Variants in NOX4 observed in about 807,000 individuals in gnomAD.
NOX4 encodes the protein kidney oxidase-1.
Under a neutral mutation model 87.6 loss-of-function variants are expected in NOX4, and 69 were observed. The ratio of observed to expected loss-of-function variants is 0.79; its 90% confidence interval spans 0.65 to 0.96. NOX4 has a LOEUF of 0.96. NOX4 is among the 40% of genes least tolerant of loss of function. The pLI is 0.00. For synonymous variants in NOX4, 275 were observed against 238.2 expected (o/e 1.15, Z -1.42); for missense variants, 680 against 681.5 (o/e 1.00, Z 0.02).
chr11:89,508,204 T>C, the NOX4 span, among the ~76,000 whole-genome samples: 4 of 152,078 alleles, frequency 2.6e-5, no homozygotes, highest in South Asian at 8.3e-4. Flanking sequence ...CATACTTGCA[T>C]TAGGTAGAAA....
the NOX4 span, among the ~76,000 whole-genome samples, chr11:89,575,941 G>A: frequency 1.3e-5 from 2 of 152,192 alleles, no homozygotes; most frequent in African/African-American, 2.4e-5. Context: ...GAAAAGTGAT[G>A]TTTAATGTGT....
the NOX4 span, among the ~76,000 whole-genome samples, chr11:89,507,585 A>G: frequency 5.9e-5 from 9 of 151,896 alleles, no homozygotes; most frequent in East Asian, 1.2e-3. Context: ...TATATAAATG[A>G]CTTTTTGCTA....
chr11:89,394,044 C>A (rs1299494586), intron 11 of NOX4, among the ~76,000 whole-genome samples: 1 of 152,124 alleles, frequency 6.6e-6, no homozygotes, highest in Non-Finnish European at 1.5e-5. Context: ...ATAATCACAT[C>A]TTAAGAAGCA....
At chr11:89,365,753 CAAAAA>C (rs1213376592) in intron 12 of NOX4, among the ~76,000 whole-genome samples, 3 of 56,658 alleles carry the variant, frequency 5.3e-5, no homozygotes, top group Non-Finnish European at 9.7e-5. Context: ...ACCACGCCCA[CAAAAA>C]AAAAAAAAAA....
chr11:89,509,329 CA>C, the NOX4 span, among the ~76,000 whole-genome samples: 1 of 152,032 alleles, frequency 6.6e-6, no homozygotes, highest in Non-Finnish European at 1.5e-5. Context: ...TTCATTGGAA[CA>C]AAAGGGCAAT....
the NOX4 span, among the ~76,000 whole-genome samples, chr11:89,512,934 A>G: frequency 1.3e-5 from 2 of 152,148 alleles, no homozygotes; most frequent in East Asian, 3.9e-4. Context: ...CAGAGTTCTG[A>G]GAACATACTC....
intron 17 of NOX4, among the ~76,000 whole-genome samples, chr11:89,332,071 G>C (rs1014114293): frequency 1.3e-5 from 2 of 151,656 alleles, no homozygotes; most frequent in African/African-American, 4.8e-5. Context: ...ATGTGGTTTG[G>C]GGGTAGACAT....
At chr11:89,474,300 AAATTT>A (rs1397016950) in intron 2 of NOX4, among the ~76,000 whole-genome samples, 2 of 152,100 alleles carry the variant, frequency 1.3e-5, no homozygotes, top group African/African-American at 4.8e-5. Flanking sequence ...AATGCAATTC[AAATTT>A]AATCTTTTTT....
the NOX4 span, among the ~76,000 whole-genome samples, chr11:89,530,713 A>T: frequency 6.6e-6 from 1 of 151,956 alleles, no homozygotes; most frequent in South Asian, 2.1e-4. Flanking sequence ...CCTGAAGTAC[A>T]CCATTTCTCT....
chr11:89,508,869 T>C, the NOX4 span, among the ~76,000 whole-genome samples: 1 of 152,058 alleles, frequency 6.6e-6, no homozygotes, highest in African/African-American at 2.4e-5. Flanking sequence ...GGAGTTGTTA[T>C]TTAAATCCAG....
the NOX4 span, among the ~76,000 whole-genome samples, chr11:89,529,744 T>C: frequency 6.6e-6 from 1 of 152,230 alleles, no homozygotes. Context: ...CCAGACAGTT[T>C]AATGCTTTCA....
intron 11 of NOX4, 47 bp downstream of exon 11, chr11:89,399,970 T>C (rs1400012044): frequency 1.4e-6 from 2 of 1,400,152 alleles, no homozygotes; most frequent in South Asian, 2.5e-5. Context: ...AAGAAAAATA[T>C]GCATAGCACC....
the NOX4 span, among the ~76,000 whole-genome samples, chr11:89,570,248 C>A: frequency 6.6e-6 from 1 of 152,022 alleles, no homozygotes; most frequent in African/African-American, 2.4e-5. Flanking sequence ...TTAGTTAATG[C>A]AAGAAAAGAA....
intron 9 of NOX4, among the ~76,000 whole-genome samples, chr11:89,401,908 A>G (rs1941874468): frequency 6.6e-6 from 1 of 152,152 alleles, no homozygotes; most frequent in African/African-American, 2.4e-5. Context: ...AGCATTCAAT[A>G]AATTGATTTT....
intron 7 of NOX4, among the ~76,000 whole-genome samples, chr11:89,424,367 T>A (rs1451093998): frequency 6.7e-6 from 1 of 150,078 alleles, no homozygotes; most frequent in Non-Finnish European, 1.5e-5. Flanking sequence ...AGAAACCTAA[T>A]AATTACCATT....
At chr11:89,469,075 G>A (rs1945820766) in intron 2 of NOX4, among the ~76,000 whole-genome samples, 1 of 152,062 alleles carries the variant, frequency 6.6e-6, no homozygotes, top group South Asian at 2.1e-4. Context: ...CCAAATTTTT[G>A]GCAAAGCTAT....
At chr11:89,488,037 A>C (rs941862547) in intron 2 of NOX4, among the ~76,000 whole-genome samples, 2 of 152,128 alleles carry the variant, frequency 1.3e-5, no homozygotes, top group African/African-American at 4.8e-5. Flanking sequence ...AATTCATAAC[A>C]GATAATTACT....
chr11:89,367,727 G>C (rs1939113760), intron 12 of NOX4, among the ~76,000 whole-genome samples: 1 of 151,968 alleles, frequency 6.6e-6, no homozygotes, highest in Non-Finnish European at 1.5e-5. Flanking sequence ...TTTGATTTCA[G>C]TTCCTGTTTA....
At chr11:89,580,670 T>C in the NOX4 span, among the ~76,000 whole-genome samples, 1 of 152,316 alleles carries the variant, frequency 6.6e-6, no homozygotes, top group Non-Finnish European at 1.5e-5. Flanking sequence ...TTATATTATA[T>C]TGAAGCATTC....
Sources: allele counts gnomAD v4.1 joint callset (sites outside exome capture counted in the v4.1 genomes callset), GRCh38; gene constraint gnomAD v4.1.1; transcripts MANE v1.5; gene names NCBI Gene and HGNC (gene_info 2026-07-23, HGNC 2026-07-21).